ERGIC1: variants seen among roughly 807,000 people sequenced by gnomAD.
ERGIC1 encodes endoplasmic reticulum-golgi intermediate compartment 1.
In ERGIC1, 19 loss-of-function variants were observed where a neutral mutation model predicts 38.3. The observed-to-expected ratio is 0.50, with a 90% CI of 0.35 to 0.73. The LOEUF is 0.73. Among genes scored for constraint, ERGIC1 ranks in the 30% least tolerant of loss-of-function variants. The pLI, the probability that ERGIC1 is intolerant of heterozygous loss-of-function variation, is 0.01. For synonymous variants in ERGIC1, 124 were observed against 157.6 expected (o/e 0.79, Z 1.60); for missense variants, 294 against 389.2 (o/e 0.76, Z 2.06).
intron 1 of ERGIC1, among the ~76,000 whole-genome samples, chr5:172,885,824 G>A (rs146562124): frequency 1.5e-3 from 224 of 152,216 alleles, no homozygotes; most frequent in African/African-American, 5.1e-3. Flanking sequence ...AGGCCTCTCC[G>A]CTCAAATGGT....
intron 1 of ERGIC1, among the ~76,000 whole-genome samples, chr5:172,883,859 T>C (rs1052035703): frequency 1.3e-5 from 2 of 152,188 alleles, no homozygotes; most frequent in Non-Finnish European, 2.9e-5. Flanking sequence ...GGTGCATCCC[T>C]GTAGTCCCAG....
At chr5:172,920,262 A>G (rs2113437682) in intron 5 of ERGIC1, 4 of 712,038 alleles carry the variant, frequency 5.6e-6, no homozygotes, top group Non-Finnish European at 1.0e-5. Flanking sequence ...AGAAGCCACC[A>G]GGGTCCATGT....
In ERGIC1 at chr5:172,839,261, G is replaced by GTATA. The variant is rs10659079; in HGVS notation, c.20+4836_20+4839dup. Among the ~76,000 whole-genome samples the GTATA allele has an allele frequency of 5.2e-3, 712 of 137,568 alleles. 4 individuals carry two copies. The highest frequency in any genetic ancestry group is 9.1e-3 in the Non-Finnish European group (592 of 64,984). The allele number at this position is 137,568 out of a possible 152,430, so 90.2% of individuals were successfully genotyped here. ...GTCTCAAAAAAAAAAAAAAAAAAAA[G>GTATA]TATATATATATGGGCCAGGTGTGGT... On this transcript the variant is annotated intron_variant, in intron 1 of 9. Coordinates refer to ENST00000393784, the MANE Select transcript of ERGIC1 (RefSeq NM_001031711.3).
At chr5:172,870,550 C>G (rs960623871) in intron 1 of ERGIC1, among the ~76,000 whole-genome samples, 5 of 152,244 alleles carry the variant, frequency 3.3e-5, no homozygotes, top group Non-Finnish European at 2.9e-5. Context: ...CCTGGAATCT[C>G]TTTCAGAGGG....
At chr5:172,871,222 G>A (rs777597896) in intron 1 of ERGIC1, among the ~76,000 whole-genome samples, 2 of 152,222 alleles carry the variant, frequency 1.3e-5, no homozygotes, top group Non-Finnish European at 2.9e-5. Flanking sequence ...AAAGGGATGC[G>A]TGAGCTGAGT....
intron 1 of ERGIC1, among the ~76,000 whole-genome samples, chr5:172,874,921 TAAA>T (rs541037638): frequency 3.0e-5 from 3 of 101,288 alleles, no homozygotes; most frequent in Non-Finnish European, 4.1e-5. Flanking sequence ...AGACCCTGTC[TAAA>T]AAAAAAAAAA....
In ERGIC1 at chr5:172,846,575, A is replaced by G. The variant is rs1338955939; in HGVS notation, c.20+12142A>G. Among the ~76,000 whole-genome samples, 1 of 152,214 alleles carries G rather than the reference A, an allele frequency of 6.6e-6. No individual in the cohort carries two copies. The highest frequency in any genetic ancestry group is 2.4e-5 in the African/African-American group (1 of 41,448). On this transcript the variant is annotated intron_variant, in intron 1 of 9. Coordinates refer to ENST00000393784, the MANE Select transcript of ERGIC1 (RefSeq NM_001031711.3). The surrounding 1 kb of genome is among the most constrained non-coding windows in gnomAD (Gnocchi z 4.0). Reference sequence around the variant, plus strand: ...TGCAGCTGATCTGGGTCCCCACTCCACAGTCTTTGGATTATGCCCTGTGCC... The same window carrying G: ...TGCAGCTGATCTGGGTCCCCACTCCGCAGTCTTTGGATTATGCCCTGTGCC...
chr5:172,912,122 T>G (rs1294297221), intron 4 of ERGIC1, among the ~76,000 whole-genome samples: 1 of 151,918 alleles, frequency 6.6e-6, no homozygotes, highest in African/African-American at 2.4e-5. Flanking sequence ...GTTCTCATAT[T>G]ACTCATAATA....
intron 2 of ERGIC1, among the ~76,000 whole-genome samples, 187 bp from the exon 3 acceptor site, chr5:172,896,815 C>A (rs913717846): frequency 3.3e-5 from 5 of 152,186 alleles, no homozygotes; most frequent in Non-Finnish European, 4.4e-5. Context: ...GGAGGCCAGA[C>A]CAGTACCCCA....
At chr5:172,835,289 C>T (rs1761006468) in intron 1 of ERGIC1, among the ~76,000 whole-genome samples, 1 of 152,184 alleles carries the variant, frequency 6.6e-6, no homozygotes, top group Non-Finnish European at 1.5e-5. Context: ...AGAATCCTGG[C>T]TCTGCCCTTT....
chr5:172,867,259 G>A (rs1761890050), intron 1 of ERGIC1: 2 of 445,242 alleles, frequency 4.5e-6, no homozygotes, highest in African/African-American at 2.0e-5. Context: ...CATGGTCAGG[G>A]TGTGATCCCT....
intron 1 of ERGIC1, among the ~76,000 whole-genome samples, chr5:172,870,341 G>A (rs1208898220): frequency 6.6e-6 from 1 of 152,124 alleles, no homozygotes; most frequent in Non-Finnish European, 1.5e-5. Flanking sequence ...GCTTTCTATG[G>A]ACTCCACAGT....
intron 2 of ERGIC1, among the ~76,000 whole-genome samples, chr5:172,892,542 GTACCAGGTTTCC>G (rs1396914282): frequency 6.6e-6 from 1 of 152,084 alleles, no homozygotes; most frequent in African/African-American, 2.4e-5. Flanking sequence ...TTGGCTGGCC[GTACCAGGTTTCC>G]TACCATCAAG....
At chr5:172,936,344 C>T (rs1465672051) in intron 9 of ERGIC1, 1 of 152,248 alleles carries the variant, frequency 6.6e-6, no homozygotes, top group Non-Finnish European at 1.5e-5. Flanking sequence ...TCATTCTAAC[C>T]AAGTCCTAGA....
In ERGIC1 at chr5:172,883,183, C is replaced by T. The variant is rs937864213; in HGVS notation, c.21-5516C>T. 3.9e-5 allele frequency among the ~76,000 whole-genome samples: 6 copies of T among 152,000 alleles called. No individual in the cohort carries two copies. In the South Asian group the frequency reaches 1.0e-3, roughly 26 times the overall value. ...GTTTTGAAATAATTTCAGACTTTTC[C>T]GCCAAACTGCAAAAATAGTACAGAG... On this transcript the variant is annotated intron_variant, in intron 1 of 9. Coordinates refer to ENST00000393784, the MANE Select transcript of ERGIC1 (RefSeq NM_001031711.3).
intron 3 of ERGIC1, among the ~76,000 whole-genome samples, chr5:172,907,615 T>C (rs957809056): frequency 2.0e-5 from 3 of 151,096 alleles, no homozygotes; most frequent in African/African-American, 7.3e-5. Flanking sequence ...CACGGTGACC[T>C]TCATTCAGTT....
intron 1 of ERGIC1, among the ~76,000 whole-genome samples, chr5:172,885,695 C>T (rs185193398): frequency 2.8e-4 from 37 of 132,944 alleles, no homozygotes; most frequent in East Asian, 2.1e-4. Context: ...ACCCCTCCCG[C>T]TGCAGCCCTT....
intron 1 of ERGIC1, among the ~76,000 whole-genome samples, chr5:172,854,660 G>C (rs774360601): frequency 6.6e-6 from 1 of 152,252 alleles, no homozygotes. Flanking sequence ...GGCCAGGGCC[G>C]GTTCCCGCCT....
At chr5:172,872,324 A>G (rs1762035897) in intron 1 of ERGIC1, among the ~76,000 whole-genome samples, 1 of 152,170 alleles carries the variant, frequency 6.6e-6, no homozygotes, top group African/African-American at 2.4e-5. Flanking sequence ...TAGTGTTTAT[A>G]CCTTGAATGG....
Sources: allele counts gnomAD v4.1 joint callset (sites outside exome capture counted in the v4.1 genomes callset), GRCh38; gene constraint gnomAD v4.1.1; non-coding constraint Gnocchi (gnomAD v3.1); transcripts MANE v1.5; gene names NCBI Gene and HGNC (gene_info 2026-07-23, HGNC 2026-07-21).